Variants in CDH12 observed in about 807,000 individuals in gnomAD.
CDH12 encodes cadherin-12.
CDH12 carries 41 observed loss-of-function variants against 74.1 expected under a neutral mutation model. The observed-to-expected ratio is 0.55, with a 90% CI of 0.43 to 0.72. The LOEUF is 0.72. Among genes scored for constraint, CDH12 ranks in the 30% least tolerant of loss-of-function variants. The probability of loss-of-function intolerance (pLI) is 0.00; values close to 1 mark genes in which losing one functional copy is unlikely to be tolerated. For missense variants in CDH12, 945 were observed against 977.2 expected (o/e 0.97, Z 0.44); for synonymous variants, 399 against 355.0 (o/e 1.12, Z -1.39).
chr5:22,007,743 G>A (rs553858065), intron 5 of CDH12, among the ~76,000 whole-genome samples: 8 of 152,288 alleles, frequency 5.3e-5, no homozygotes, highest in African/African-American at 1.4e-4. Flanking sequence ...AGATGGTGAA[G>A]TTAGAAATTC....
chr5:22,712,699 C>CT (rs1743350134), intron 1 of CDH12, among the ~76,000 whole-genome samples: 2 of 152,046 alleles, frequency 1.3e-5, no homozygotes, highest in Non-Finnish European at 1.5e-5. Context: ...ATTAAAGGCT[C>CT]TTTTTTTACA....
In CDH12 at chr5:22,000,887, T is replaced by A. The variant is rs572362652; in HGVS notation, c.232-25502A>T. ...ATCATATCTATTAAAATCAATAGACTTTTTACTTTGCATTTGTTGTTTACT... is the reference window on the plus strand; with the variant it reads ...ATCATATCTATTAAAATCAATAGACATTTTACTTTGCATTTGTTGTTTACT... On this transcript the variant is annotated intron_variant, in intron 5 of 14. Coordinates refer to ENST00000382254, the MANE Select transcript of CDH12 (RefSeq NM_004061.5). Among the ~76,000 whole-genome samples, 348 of 152,284 alleles carry A rather than the reference T, an allele frequency of 2.3e-3. 1 individual carries two copies. The highest frequency in any genetic ancestry group is 7.6e-3 in the African/African-American group (317 of 41,566).
chr5:22,543,355 A>C (rs982449191), intron 1 of CDH12, among the ~76,000 whole-genome samples: 1 of 152,158 alleles, frequency 6.6e-6, no homozygotes, highest in Non-Finnish European at 1.5e-5. Context: ...TGAATGCTGT[A>C]ATAGGAACAT....
At chr5:21,792,091 C>T (rs1160532124) in intron 10 of CDH12, among the ~76,000 whole-genome samples, 4 of 151,910 alleles carry the variant, frequency 2.6e-5, no homozygotes, top group African/African-American at 9.7e-5. Context: ...CTTATCTCTT[C>T]TTAGTTGCCA....
chr5:22,533,684 AGACCC>A, intron 1 of CDH12, among the ~76,000 whole-genome samples: 2 of 152,236 alleles, frequency 1.3e-5, no homozygotes, highest in Non-Finnish European at 2.9e-5. Context: ...CAGGCATGAT[AGACCC>A]TGTAGCAACT....
chr5:22,372,803 G>T (rs1580577706), intron 3 of CDH12, among the ~76,000 whole-genome samples: 1 of 152,150 alleles, frequency 6.6e-6, no homozygotes, highest in African/African-American at 2.4e-5. Context: ...AAAGGACTTT[G>T]TGCCCTGAAA....
At chr5:22,478,816 G>T (rs550298550) in intron 2 of CDH12, among the ~76,000 whole-genome samples, 199 of 151,996 alleles carry the variant, frequency 1.3e-3, no homozygotes, top group African/African-American at 4.5e-3. Context: ...TTTTTTGTTT[G>T]CCTTTCCTAA....
intron 1 of CDH12, among the ~76,000 whole-genome samples, chr5:22,816,383 C>T (rs2126462521): frequency 6.6e-6 from 1 of 152,216 alleles, no homozygotes; most frequent in East Asian, 1.9e-4. Flanking sequence ...TGCCAAATTT[C>T]TTCCTGCATC....
chr5:22,365,991 C>T (rs1005220848), intron 3 of CDH12, among the ~76,000 whole-genome samples: 2 of 152,090 alleles, frequency 1.3e-5, no homozygotes, highest in Non-Finnish European at 2.9e-5. Flanking sequence ...CTGAGTCTAG[C>T]TTTGTCACCT....
At chr5:22,677,262 A>T (rs947467925) in intron 1 of CDH12, among the ~76,000 whole-genome samples, 3 of 152,130 alleles carry the variant, frequency 2.0e-5, no homozygotes, top group African/African-American at 7.2e-5. Flanking sequence ...AGTATAAGAG[A>T]ATACCTTAGA....
At chr5:21,823,110 GT>G (rs1301015335) in intron 8 of CDH12, among the ~76,000 whole-genome samples, 1 of 151,992 alleles carries the variant, frequency 6.6e-6, no homozygotes, top group Non-Finnish European at 1.5e-5. Context: ...AAAGACAAGT[GT>G]TTTTCTTGAT....
At chr5:22,287,722 CAAA>C (rs35636015) in intron 3 of CDH12, among the ~76,000 whole-genome samples, 115 of 126,852 alleles carry the variant, frequency 9.1e-4, no homozygotes, top group South Asian at 1.8e-3. Flanking sequence ...GACTCCGTCT[CAAA>C]AAAAAAAAAA....
chr5:22,353,245 G>C (rs1403400269), intron 3 of CDH12, among the ~76,000 whole-genome samples: 1 of 152,064 alleles, frequency 6.6e-6, no homozygotes, highest in East Asian at 1.9e-4. Context: ...ATAAAATATG[G>C]AAGTTTTTAG....
intron 5 of CDH12, among the ~76,000 whole-genome samples, chr5:22,030,374 G>A (rs1214548496): frequency 1.3e-5 from 2 of 152,150 alleles, no homozygotes; most frequent in Non-Finnish European, 2.9e-5. Context: ...TAGCAGGCAT[G>A]AAAACAGCAT....
intron 1 of CDH12, among the ~76,000 whole-genome samples, chr5:22,648,489 C>T (rs1739559187): frequency 6.6e-6 from 1 of 151,860 alleles, no homozygotes; most frequent in Non-Finnish European, 1.5e-5. Context: ...CTTGAGCTCA[C>T]TGTATTGGGC....
chr5:22,050,597 C>T (rs757405622), intron 5 of CDH12, among the ~76,000 whole-genome samples: 34 of 152,152 alleles, frequency 2.2e-4, no homozygotes, highest in Non-Finnish European at 3.5e-4. Flanking sequence ...TGCATTTTCT[C>T]CTTACAATGT....
At chr5:21,987,351 T>G (rs1200871736) in intron 5 of CDH12, among the ~76,000 whole-genome samples, 1 of 152,156 alleles carries the variant, frequency 6.6e-6, no homozygotes, top group African/African-American at 2.4e-5. Context: ...AAATATTTGA[T>G]ATATTCACAT....
At chr5:22,419,149 G>C (rs577848123) in intron 2 of CDH12, among the ~76,000 whole-genome samples, 4 of 152,180 alleles carry the variant, frequency 2.6e-5, no homozygotes, top group Non-Finnish European at 4.4e-5. Context: ...TTTTTGATGT[G>C]CTGCTGGATT....
chr5:22,012,386 A>T (rs963974536), intron 5 of CDH12, among the ~76,000 whole-genome samples: 1 of 152,170 alleles, frequency 6.6e-6, no homozygotes, highest in Non-Finnish European at 1.5e-5. Flanking sequence ...AAAGAGAAAA[A>T]TGATAAGTTA....
Sources: gnomAD v4.1 joint callset for allele counts (sites outside exome capture counted in the v4.1 genomes callset) on GRCh38, gnomAD v4.1.1 for gene constraint, MANE v1.5 for transcripts, NCBI Gene and HGNC (gene_info 2026-07-23, HGNC 2026-07-21) for gene names.